Variants in DLGAP2 observed in about 807,000 individuals in gnomAD.
DLGAP2 encodes the protein DLG associated protein 2, also known as disks large-associated protein 2.
In DLGAP2, 26 loss-of-function variants were observed where a neutral mutation model predicts 100.3. That is an observed-to-expected ratio of 0.26 (90% CI 0.19 to 0.36). The LOEUF (loss-of-function observed/expected upper bound fraction) is 0.36. Among genes scored for constraint, DLGAP2 ranks in the 10% least tolerant of loss-of-function variants. DLGAP2 has a pLI of 1.00. For synonymous variants in DLGAP2, 886 were observed against 630.1 expected, an observed-to-expected ratio of 1.41 and a Z score of -6.08; for missense variants, 1,858 against 1,453.2, an observed-to-expected ratio of 1.28 and a Z score of -4.53.
At chr8:1,025,325 T>C (rs947319569) in intron 2 of DLGAP2, among the ~76,000 whole-genome samples, 3 of 152,128 alleles carry the variant, frequency 2.0e-5, no homozygotes, top group Non-Finnish European at 4.4e-5. Flanking sequence ...CTGAAGATTG[T>C]TTTCAAGGCT....
rs762675179 is a variant in DLGAP2, at chr8:1,565,889, C to G, written c.1437C>G (p.His479Gln). The G allele has an allele frequency of 4.4e-6, 7 of 1,602,096 alleles. No homozygotes were observed. The highest frequency in any genetic ancestry group is 3.4e-6 in the Non-Finnish European group (4 of 1,174,658). The change falls in exon 6 of 15, where the codon CAC becomes CAG. Residue 479 changes from histidine to glutamine, a missense_variant. His to Gln is a conservative substitution (Grantham distance 24). Transcript: ENST00000637795. The stretch of plus-strand genomic sequence containing the variant: ...TCGGACAGAGACCGCTTGGAGAGCA[C>G]CAGACGTAAGTGAGACCAGCTGCCT... ...KSIGQRPLGE[H>Q]QTQTYLQAAS...
chr8:1,489,693 C>T (rs1370648340), intron 3 of DLGAP2, among the ~76,000 whole-genome samples: 1 of 152,216 alleles, frequency 6.6e-6, no homozygotes, highest in Non-Finnish European at 1.5e-5. Context: ...TCGCTGTGAG[C>T]ATCTTGGTTA....
chr8:774,922 C>A (rs988356554), intron 1 of DLGAP2, among the ~76,000 whole-genome samples: 1 of 149,310 alleles, frequency 6.7e-6, no homozygotes, highest in Non-Finnish European at 1.5e-5. Flanking sequence ...GGCATTGAAT[C>A]TGTAAATTAC....
intron 3 of DLGAP2, among the ~76,000 whole-genome samples, chr8:1,264,756 A>G (rs1799418643): frequency 6.6e-6 from 1 of 152,182 alleles, no homozygotes. Flanking sequence ...AGGAAGTGAT[A>G]TGGTTTTGCT....
intron 2 of DLGAP2, among the ~76,000 whole-genome samples, chr8:912,861 G>T (rs937216077): frequency 6.7e-6 from 1 of 148,378 alleles, no homozygotes; most frequent in Non-Finnish European, 1.5e-5. Context: ...CCCGCACCAC[G>T]GTGCCCGCCT....
intron 1 of DLGAP2, among the ~76,000 whole-genome samples, chr8:828,928 G>T (rs990596241): frequency 1.3e-5 from 2 of 152,188 alleles, no homozygotes; most frequent in South Asian, 4.1e-4. Context: ...GTTCCAAGAA[G>T]CAACTCTGTA....
At chr8:1,034,130 A>T (rs71516138) in intron 2 of DLGAP2, among the ~76,000 whole-genome samples, 1 of 6,158 alleles carries the variant, frequency 1.6e-4, no homozygotes. Flanking sequence ...TCCCGACCCC[A>T]CGTGTCACCG....
Position 802,034 on chromosome 8 carries a change from C to CCGTCCT in DLGAP2, c.18+64210_18+64211insGTCCTC, listed in dbSNP as rs1268733052. Among the ~76,000 whole-genome samples the CCGTCCT allele has an allele frequency of 2.2e-3, 325 of 147,826 alleles. 74 individuals are homozygous for CCGTCCT. The highest frequency in any genetic ancestry group is 2.9e-3 in the Non-Finnish European group (191 of 66,678). On this transcript the variant is annotated intron_variant, in intron 1 of 14. Coordinates refer to ENST00000637795, the MANE Select transcript of DLGAP2 (RefSeq NM_001346810.2). ...ACAGTCCGCACCCCTCCTGGGCCCT[C>CCGTCCT]CATCCTCACGGCCTGGGGAACAGTC...
chr8:886,193 G>A (rs1797918345), intron 1 of DLGAP2, among the ~76,000 whole-genome samples: 1 of 152,094 alleles, frequency 6.6e-6, no homozygotes, highest in Non-Finnish European at 1.5e-5. Context: ...GCATAGAGGT[G>A]TTTATAGTAT....
intron 2 of DLGAP2, among the ~76,000 whole-genome samples, chr8:914,310 C>G (rs1798547526): frequency 6.6e-6 from 1 of 152,196 alleles, no homozygotes; most frequent in South Asian, 2.1e-4. Context: ...CTGGGGCGCT[C>G]TTTTCCTGCA....
chr8:1,668,202 T>A, intron 8 of DLGAP2, 127 bp from the exon 9 acceptor site: 1 of 836,108 alleles, frequency 1.2e-6, no homozygotes, highest in Non-Finnish European at 1.8e-6. Context: ...TCACGCTATT[T>A]TTTTAGGCTA....
chr8:744,899 G>A (rs192278452), intron 1 of DLGAP2, among the ~76,000 whole-genome samples: 8 of 152,152 alleles, frequency 5.3e-5, no homozygotes, highest in Non-Finnish European at 7.4e-5. Flanking sequence ...CGAATTCCTC[G>A]CTTGGACTGG....
At chr8:1,539,543 G>A (rs919446738) in intron 4 of DLGAP2, among the ~76,000 whole-genome samples, 2 of 152,084 alleles carry the variant, frequency 1.3e-5, no homozygotes, top group Non-Finnish European at 2.9e-5. Context: ...GGGGTGCACT[G>A]AGCCTTGCCA....
intron 1 of DLGAP2, among the ~76,000 whole-genome samples, chr8:856,557 G>A (rs1162748025): frequency 6.6e-6 from 1 of 152,168 alleles, no homozygotes; most frequent in African/African-American, 2.4e-5. Context: ...ATATGCAAAG[G>A]TCAGTTACTT....
intron 3 of DLGAP2, among the ~76,000 whole-genome samples, chr8:1,367,909 G>T (rs1028352622): frequency 1.1e-4 from 17 of 152,168 alleles, no homozygotes; most frequent in Admixed American, 6.5e-4. Flanking sequence ...TCAGATACCC[G>T]AACAAGCTCA....
chr8:1,344,217 TGTGCCG>T (rs1801502967), intron 3 of DLGAP2, among the ~76,000 whole-genome samples: 1 of 55,450 alleles, frequency 1.8e-5, no homozygotes. Context: ...TCGTGGGGCC[TGTGCCG>T]TGTAGAATCT....
intron 2 of DLGAP2, among the ~76,000 whole-genome samples, chr8:1,188,271 C>G (rs1472542477): frequency 2.8e-4 from 33 of 117,734 alleles, no homozygotes; most frequent in African/African-American, 1.2e-3. Flanking sequence ...ACGCCCGGGA[C>G]CTCTGTGACG....
chr8:1,322,342 A>C (rs1226206480), intron 3 of DLGAP2, among the ~76,000 whole-genome samples: 1 of 152,262 alleles, frequency 6.6e-6, no homozygotes, highest in Non-Finnish European at 1.5e-5. Flanking sequence ...ACCACAATAA[A>C]TACAACAAAG....
intron 1 of DLGAP2, among the ~76,000 whole-genome samples, chr8:787,104 C>T (rs1021723290): frequency 6.6e-6 from 1 of 152,180 alleles, no homozygotes; most frequent in African/African-American, 2.4e-5. Context: ...ACTGACGATG[C>T]TTTATTCAAT....
Sources: gnomAD v4.1 joint callset for allele counts (sites outside exome capture counted in the v4.1 genomes callset) on GRCh38, gnomAD v4.1.1 for gene constraint, MANE v1.5 for transcripts, NCBI Gene and HGNC (gene_info 2026-07-23, HGNC 2026-07-21) for gene names.